Variants in POLH observed in about 807,000 individuals in gnomAD.
POLH encodes the protein DNA polymerase eta.
In POLH, 53 loss-of-function variants were observed where a neutral mutation model predicts 73.6. The observed-to-expected ratio is 0.72, with a 90% CI of 0.58 to 0.91. The LOEUF is 0.91. POLH is among the 40% of genes least tolerant of loss of function. POLH has a pLI of 0.00. For synonymous variants in POLH, 292 were observed against 308.5 expected, an observed-to-expected ratio of 0.95 and a Z score of 0.56; for missense variants, 768 against 865.4, an observed-to-expected ratio of 0.89 and a Z score of 1.41.
Position 43,614,777 on chromosome 6 carries a change from T to C in POLH, c.*220T>C, listed in dbSNP as rs1768210022. On this transcript the variant is annotated 3_prime_UTR_variant, in exon 11 of 11. Transcript: ENST00000372236. ...ATGTAAAAATTCATCCTACCAGAGT[T>C]TTTAATCTTTAGCATTTAGGGAGGC... is the stretch of plus-strand genomic sequence containing the variant. 1.9e-6 allele frequency: 1 copy of C among 528,928 alleles called. No homozygotes were observed. Among genetic ancestry groups the C allele is most frequent in the Non-Finnish European group, 3.3e-6 (1 of 302,914 alleles). The allele number at this position is 528,928 out of a possible 1,614,324, so 32.8% of individuals were successfully genotyped here.
chr6:43,578,967 AT>A (rs1445283624), intron 1 of POLH, among the ~76,000 whole-genome samples: 3 of 152,166 alleles, frequency 2.0e-5, no homozygotes, highest in African/African-American at 4.8e-5. Context: ...AAGGATAAGT[AT>A]TTTTAAAGCT....
chr6:43,586,079 G>A (rs1400473812), intron 3 of POLH, among the ~76,000 whole-genome samples: 4 of 152,018 alleles, frequency 2.6e-5, no homozygotes, highest in Admixed American at 6.6e-5. Context: ...TTTTATGGGT[G>A]TCATGGTGAA....
At chr6:43,587,246 G>A (rs760946693) in intron 3 of POLH, 26 bp from the exon 4 acceptor site, 5 of 1,568,272 alleles carry the variant, frequency 3.2e-6, no homozygotes, top group African/African-American at 1.3e-5. Context: ...TTTATTGCCT[G>A]CATGAATGAT....
rs1768592754 is a variant in POLH at position 43,619,770 on chromosome 6, C to T, written c.*5213C>T. Among the ~76,000 whole-genome samples the T allele has an allele frequency of 6.6e-6, 1 of 152,182 alleles. No homozygotes were observed. Among genetic ancestry groups the T allele is most frequent in the African/African-American group, 2.4e-5 (1 of 41,432 alleles). On this transcript the variant is annotated 3_prime_UTR_variant, in exon 11 of 11. Transcript: ENST00000372236. ...TCAGCAGCTATAGAGAGGAAGTAAA[C>T]AGCTTAGCCCCTAATACAGGAGGAA...
chr6:43,582,244 A>C, intron 1 of POLH, 72 bp from the exon 2 acceptor site: 1 of 1,385,962 alleles, frequency 7.2e-7, no homozygotes, highest in Non-Finnish European at 1.0e-6. Context: ...CAGTGAAAGA[A>C]TGGAATTACA....
intron 4 of POLH, among the ~76,000 whole-genome samples, chr6:43,597,404 C>T (rs1225215544): frequency 1.3e-5 from 2 of 152,132 alleles, no homozygotes; most frequent in Admixed American, 6.5e-5. Flanking sequence ...CGTGAGCCAC[C>T]GTGCCTGGCC....
chr6:43,609,630 T>C (rs1767666385), intron 9 of POLH, among the ~76,000 whole-genome samples: 1 of 152,218 alleles, frequency 6.6e-6, no homozygotes, highest in South Asian at 2.1e-4. Flanking sequence ...ATATGGTATC[T>C]TCTCTAGATA....
intron 9 of POLH, among the ~76,000 whole-genome samples, chr6:43,606,309 C>T (rs1194641148): frequency 6.6e-6 from 1 of 152,004 alleles, no homozygotes; most frequent in Non-Finnish European, 1.5e-5. Context: ...TTTCCTCCTC[C>T]CCTCCCCCAT....
At position 43,582,519 on chromosome 6, in the gene POLH, TTTG is replaced by T. The variant is rs765355324; in HGVS notation, c.137+71_137+73del. The stretch of plus-strand genomic sequence containing the variant: ...AACACAGTGGCACTGTGGCAGGTCC[TTTG>T]TTGTTGTGGTGGTGGTGGTGGTGGT... On this transcript the variant is annotated intron_variant, in intron 2 of 10. Coordinates refer to ENST00000372236, the MANE Select transcript of POLH (RefSeq NM_006502.3). 227 of 1,534,342 alleles carry T rather than the reference TTTG, an allele frequency of 1.5e-4. 1 individual carries two copies. Among genetic ancestry groups the T allele is most frequent in the African/African-American group, 1.3e-3 (95 of 73,058 alleles).
intron 9 of POLH, among the ~76,000 whole-genome samples, chr6:43,605,874 C>T (rs1767229385): frequency 6.6e-6 from 1 of 151,854 alleles, no homozygotes; most frequent in Non-Finnish European, 1.5e-5. Flanking sequence ...CATACCACCA[C>T]ACCCGGCTAA....
Position 43,616,970 on chromosome 6 carries a change from A to G in POLH, c.*2413A>G, listed in dbSNP as rs1242028713. Reference sequence around the variant, plus strand: ...TTTGGGAGGCCAAGGCAGGTGGACCACGTGAAGTCAGGAGTTCAAGACAAG... The same window carrying G: ...TTTGGGAGGCCAAGGCAGGTGGACCGCGTGAAGTCAGGAGTTCAAGACAAG... On this transcript the variant is annotated 3_prime_UTR_variant, in exon 11 of 11. Coordinates refer to ENST00000372236, the MANE Select transcript of POLH (RefSeq NM_006502.3). Among the ~76,000 whole-genome samples the G allele has an allele frequency of 6.6e-6, 1 of 152,252 alleles. No homozygotes were observed. The highest frequency in any genetic ancestry group is 1.5e-5 in the Non-Finnish European group (1 of 68,042).
Position 43,607,425 on chromosome 6 carries a change from T to G in POLH, c.1074+2106T>G, listed in dbSNP as rs753007084. 2.0e-4 allele frequency among the ~76,000 whole-genome samples: 31 copies of G among 152,208 alleles called. 1 individual carries two copies. The highest frequency in any genetic ancestry group is 3.2e-4 in the Non-Finnish European group (22 of 68,048). ...ACACCTTTTTATGGCTGAATAATAT[T>G]CTATTGTATTAATATATACCATATT... On this transcript the variant is annotated intron_variant, in intron 9 of 10. Transcript: ENST00000372236.
intron 2 of POLH, 77 bp from the exon 3 acceptor site, chr6:43,582,930 T>C (rs1561897461): frequency 1.6e-6 from 2 of 1,228,428 alleles, no homozygotes; most frequent in East Asian, 4.7e-5. Context: ...GTTTATAGAT[T>C]ACTTGTGTTA....
rs1271233542 is a variant in POLH, at chr6:43,614,833, T to A, written c.*276T>A. Reference sequence around the variant, plus strand: ...CATAAAGTAAAAAGTGTGTGGGCCTTGGAGTCTAAGAGACGTGGTTGCAAA... The same window carrying A: ...CATAAAGTAAAAAGTGTGTGGGCCTAGGAGTCTAAGAGACGTGGTTGCAAA... On this transcript the variant is annotated 3_prime_UTR_variant, in exon 11 of 11. Coordinates refer to ENST00000372236, the MANE Select transcript of POLH (RefSeq NM_006502.3). The A allele has an allele frequency of 2.4e-6, 1 of 419,362 alleles. No homozygotes were observed. 26.0% of individuals were successfully genotyped at this position (419,362 alleles called of 1,614,324 possible).
At position 43,604,639 on chromosome 6, in the gene POLH, AG is replaced by A; in HGVS notation, c.912del (p.Ile305LeufsTer40). On this transcript the variant is annotated frameshift_variant, in exon 8 of 11. Coordinates refer to ENST00000372236, the MANE Select transcript of POLH (RefSeq NM_006502.3). LOFTEE classifies it high-confidence loss of function. ...GGTCTTGGCTATATGCCATGTGCCGAGGGATTGAACATGATCCAGTTAAACC... is the reference window on the plus strand; with the variant it reads ...GGTCTTGGCTATATGCCATGTGCCGAGGATTGAACATGATCCAGTTAAACC... Reference protein sequence around the residue: ...NGSWLYAMCRGIEHDPVKPRQ... With the variant: ...NGSWLYAMCRXIEHDPVKPRQ... 2 of 1,614,056 alleles carry A rather than the reference AG, an allele frequency of 1.2e-6. No homozygotes were observed. The highest frequency in any genetic ancestry group is 1.7e-6 in the Non-Finnish European group (2 of 1,179,890).
At position 43,614,964 on chromosome 6, in the gene POLH, ATG is replaced by A. The variant is rs1768224700; in HGVS notation, c.*409_*410del. On this transcript the variant is annotated 3_prime_UTR_variant, in exon 11 of 11. Transcript: ENST00000372236. ...TACAGATTATTGCAGATTAATAACA[ATG>A]TATTCAAATTATGTAACTCGGCCGG... 5.6e-6 allele frequency: 1 copy of A among 177,766 alleles called. No individual in the cohort carries two copies. Among genetic ancestry groups the A allele is most frequent in the Non-Finnish European group, 1.2e-5 (1 of 83,686 alleles). 11.0% of individuals were successfully genotyped at this position (177,766 alleles called of 1,614,324 possible).
At chr6:43,599,927 G>A (rs1025905281) in intron 5 of POLH, among the ~76,000 whole-genome samples, 1 of 152,010 alleles carries the variant, frequency 6.6e-6, no homozygotes, top group Non-Finnish European at 1.5e-5. Context: ...GGGATCCCGA[G>A]GCTGGTGGAT....
intron 1 of POLH, 44 bp from the exon 2 acceptor site, chr6:43,582,272 G>C: frequency 6.3e-7 from 1 of 1,587,628 alleles, no homozygotes; most frequent in Admixed American, 1.7e-5. Context: ...CTGGCATTTT[G>C]GATTAGGTGT....
chr6:43,614,349 G>C lies in POLH; in HGVS notation c.1934G>C (p.Trp645Ser), dbSNP rs1768182365. The change falls in exon 11 of 11, where the codon TGG (tryptophan) becomes TCG (serine). Residue 645 changes from tryptophan to serine, a missense_variant. Transcript: ENST00000372236. ...AAGTGTGGCTCCCTGGTACCGGTAT[G>C]GGATATGCCAGAACACATGGACTAT... ...CEKCGSLVPVWDMPEHMDYHF... is the reference protein window; with the variant it reads ...CEKCGSLVPVSDMPEHMDYHF... The C allele has an allele frequency of 6.2e-7, 1 of 1,610,328 alleles. No homozygotes were observed.
Sources: gnomAD v4.1 joint callset for allele counts (sites outside exome capture counted in the v4.1 genomes callset) on GRCh38, gnomAD v4.1.1 for gene constraint, MANE v1.5 for transcripts, NCBI Gene and HGNC (gene_info 2026-07-23, HGNC 2026-07-21) for gene names.